The following CACNA1C variants were observed in gnomAD, a reference collection of about 807,000 sequenced individuals.
CACNA1C encodes calcium voltage-gated channel subunit alpha1 C.
A neutral mutation model predicts 229.0 loss-of-function variants in CACNA1C; 30 were observed. That is an observed-to-expected ratio of 0.13 (90% CI 0.10 to 0.18). CACNA1C has a LOEUF of 0.18. Among genes scored for constraint, CACNA1C ranks in the 10% least tolerant of loss-of-function variants. CACNA1C has a pLI of 1.00. For missense variants in CACNA1C, 1,658 were observed against 2,845.0 expected, an observed-to-expected ratio of 0.58 and a Z score of 9.49; for synonymous variants, 1,114 against 1,132.5, an observed-to-expected ratio of 0.98 and a Z score of 0.33.
intron 1 of CACNA1C, among the ~76,000 whole-genome samples, chr12:2,083,399 G>A (rs2154058065): frequency 6.6e-6 from 1 of 152,334 alleles, no homozygotes; most frequent in South Asian, 2.1e-4. Flanking sequence ...TGGTGGCCAA[G>A]AGCATTTCGA....
At chr12:2,191,729 TAC>T (rs1488916399) in intron 3 of CACNA1C, among the ~76,000 whole-genome samples, 1 of 148,194 alleles carries the variant, frequency 6.7e-6, no homozygotes, top group Admixed American at 6.7e-5. Flanking sequence ...GGCACACACG[TAC>T]ACACAGGCAC....
intron 1 of CACNA1C, chr12:2,011,228 C>T (rs1330672610): frequency 6.6e-6 from 1 of 151,154 alleles, no homozygotes; most frequent in Non-Finnish European, 1.5e-5. Flanking sequence ...GTTTTATTCT[C>T]AGTGTACCAT....
intron 1 of CACNA1C, among the ~76,000 whole-genome samples, chr12:2,081,998 AG>A (rs2065822673): frequency 6.6e-6 from 1 of 152,074 alleles, no homozygotes; most frequent in South Asian, 2.1e-4. Context: ...CGTATGAAAA[AG>A]GTAACGCTGC....
chr12:1,972,612 T>C (rs949475973), intron 1 of CACNA1C, among the ~76,000 whole-genome samples: 3 of 152,222 alleles, frequency 2.0e-5, no homozygotes, highest in African/African-American at 7.2e-5. Flanking sequence ...CTAGCCAAAG[T>C]CATTTTTCTT....
At position 2,277,362 on chromosome 12, in the gene CACNA1C, G is replaced by GACACACACAC. The variant is rs59258094; in HGVS notation, c.477+156989_477+156998dup. ...AGACAGACAGACAGACAGACAGACAGACACACACACACACACACACACACA... is the reference window on the plus strand; with the variant it reads ...AGACAGACAGACAGACAGACAGACAGACACACACACACACACACACACACACACACACACA... On this transcript the variant is annotated intron_variant, in intron 3 of 46. Coordinates refer to ENST00000399655, the MANE Select transcript of CACNA1C (RefSeq NM_000719.7). Among the ~76,000 whole-genome samples, 4 of 72,232 alleles carry GACACACACAC rather than the reference G, an allele frequency of 5.5e-5. No individual in the cohort carries two copies. In the East Asian group the frequency reaches 1.1e-3, roughly 20 times the overall value. The allele number at this position is 72,232 out of a possible 152,430, so 47.4% of individuals were successfully genotyped here. A position where few individuals can be genotyped will look rare whatever the true frequency, so the allele number is the denominator to read the frequency against.
chr12:2,232,640 C>T (rs1308970978), intron 3 of CACNA1C, among the ~76,000 whole-genome samples: 1 of 152,048 alleles, frequency 6.6e-6, no homozygotes, highest in Non-Finnish European at 1.5e-5. Context: ...TTTAGCATTC[C>T]CTGGTACATC....
chr12:2,004,459 G>A, intron 1 of CACNA1C: 1 of 1,589,618 alleles, frequency 6.3e-7, no homozygotes, highest in African/African-American at 1.3e-5. Flanking sequence ...CATAGGCACG[G>A]GGCTCTTGGA....
intron 3 of CACNA1C, among the ~76,000 whole-genome samples, chr12:2,150,150 G>A (rs1266461091): frequency 1.3e-5 from 2 of 152,192 alleles, no homozygotes; most frequent in Non-Finnish European, 2.9e-5. Flanking sequence ...AACTTTTCAT[G>A]TTGGTCAGGA....
chr12:2,504,453 C>A lies in CACNA1C; in HGVS notation c.1114-389C>A, dbSNP rs762037748. 2 of 1,603,598 alleles carry A rather than the reference C, an allele frequency of 1.2e-6. No individual in the cohort carries two copies. The highest frequency in any genetic ancestry group is 3.3e-5 in the Admixed American group (2 of 59,974). ...CTTTCCAGATGCAGGACGCTATGGG[C>A]TATGAGTTACCCTGGGTGTATTTTG... On this transcript the variant is annotated intron_variant, in intron 7 of 46. Coordinates refer to ENST00000399655, the MANE Select transcript of CACNA1C (RefSeq NM_000719.7). This position sits in a 1 kb window ranked among gnomAD's most constrained non-coding sequence, Gnocchi z 6.8.
In CACNA1C at chr12:2,633,185, G is replaced by T. The variant is rs1294062951; in HGVS notation, c.3829-1112G>T. 6.6e-6 allele frequency among the ~76,000 whole-genome samples: 1 copy of T among 152,166 alleles called. No homozygotes were observed. The highest frequency in any genetic ancestry group is 1.5e-5 in the Non-Finnish European group (1 of 68,026). ...GACCGAGCCCGCTACCCTCTGAGGGGTCACACACCTGTGTTCCCTCCCTCC... is the reference window on the plus strand; with the variant it reads ...GACCGAGCCCGCTACCCTCTGAGGGTTCACACACCTGTGTTCCCTCCCTCC... On this transcript the variant is annotated intron_variant, in intron 29 of 46. Transcript: ENST00000399655. The surrounding 1 kb of genome is among the most constrained non-coding windows in gnomAD (Gnocchi z 5.8).
intron 21 of CACNA1C, among the ~76,000 whole-genome samples, chr12:2,598,398 C>CT (rs1212771086): frequency 1.3e-5 from 2 of 152,188 alleles, no homozygotes; most frequent in Non-Finnish European, 2.9e-5. Flanking sequence ...TTCTGAGTCT[C>CT]TAAACCAATG....
chr12:2,539,197 A>G (rs2099863183), intron 9 of CACNA1C, among the ~76,000 whole-genome samples: 1 of 152,112 alleles, frequency 6.6e-6, no homozygotes, highest in Non-Finnish European at 1.5e-5. Context: ...CTCTTAAACT[A>G]GGTGACTTGA....
At position 2,321,494 on chromosome 12, in the gene CACNA1C, T is replaced by C. The variant is rs115276827; in HGVS notation, c.478-127482T>C. ...ATTAATTCTGGTGGTTTGATAAATATTGAGCACCTACAGTGTGTCAGGATG... is the reference window on the plus strand; with the variant it reads ...ATTAATTCTGGTGGTTTGATAAATACTGAGCACCTACAGTGTGTCAGGATG... On this transcript the variant is annotated intron_variant, in intron 3 of 46. Transcript: ENST00000399655. Among the ~76,000 whole-genome samples, 807 of 152,268 alleles carry C rather than the reference T, an allele frequency of 5.3e-3. 14 individuals are homozygous for C. Among genetic ancestry groups the C allele is most frequent in the African/African-American group, 0.019 (774 of 41,546 alleles).
At chr12:2,331,300 A>T (rs1169328306) in intron 3 of CACNA1C, among the ~76,000 whole-genome samples, 1 of 152,236 alleles carries the variant, frequency 6.6e-6, no homozygotes, top group African/African-American at 2.4e-5. Flanking sequence ...ACATATCCCA[A>T]CTCGAGAGCT....
At chr12:2,641,252 G>A (rs2093661695) in intron 30 of CACNA1C, among the ~76,000 whole-genome samples, 1 of 152,186 alleles carries the variant, frequency 6.6e-6, no homozygotes, top group Admixed American at 6.5e-5. Context: ...TGTTGCTTGA[G>A]GATATACAAA....
chr12:2,345,742 C>G (rs146534637), intron 3 of CACNA1C, among the ~76,000 whole-genome samples: 42 of 152,236 alleles, frequency 2.8e-4, no homozygotes, highest in Admixed American at 1.2e-3. Context: ...AGAAATAGTT[C>G]ACTTCAAAAT....
At chr12:2,533,734 C>T (rs564155170) in intron 9 of CACNA1C, among the ~76,000 whole-genome samples, 3 of 152,256 alleles carry the variant, frequency 2.0e-5, no homozygotes, top group East Asian at 1.9e-4. Flanking sequence ...ATGTCAAAAG[C>T]GCCAGGGCTG....
chr12:2,099,546 G>A (rs557513778), intron 1 of CACNA1C, among the ~76,000 whole-genome samples: 1 of 152,222 alleles, frequency 6.6e-6, no homozygotes, highest in Non-Finnish European at 1.5e-5. Context: ...TGGCACTGGG[G>A]TGGCCACAGT....
chr12:2,091,261 C>T (rs1219565845), intron 1 of CACNA1C, among the ~76,000 whole-genome samples: 1 of 152,146 alleles, frequency 6.6e-6, no homozygotes, highest in Non-Finnish European at 1.5e-5. Context: ...TTAGCTCTGC[C>T]CATCCTGCTG....
Sources: allele counts gnomAD v4.1 joint callset (sites outside exome capture counted in the v4.1 genomes callset), GRCh38; gene constraint gnomAD v4.1.1; non-coding constraint Gnocchi (gnomAD v3.1); transcripts MANE v1.5; gene names NCBI Gene and HGNC (gene_info 2026-07-23, HGNC 2026-07-21).